The following SLC16A10 variants were observed in gnomAD, a reference collection of about 807,000 sequenced individuals.
SLC16A10 encodes the protein monocarboxylate transporter 10.
Under a neutral mutation model 40.0 loss-of-function variants are expected in SLC16A10, and 27 were observed. That is an observed-to-expected ratio of 0.67 (90% CI 0.50 to 0.93). SLC16A10 has a LOEUF of 0.93. Among genes scored for constraint, SLC16A10 ranks in the 40% least tolerant of loss-of-function variants. SLC16A10 has a pLI of 0.00. For missense variants in SLC16A10, 529 were observed against 658.2 expected, an observed-to-expected ratio of 0.80 and a Z score of 2.15; for synonymous variants, 213 against 249.8, an observed-to-expected ratio of 0.85 and a Z score of 1.39.
chr6:111,209,070 G>A (rs927585866), intron 4 of SLC16A10, among the ~76,000 whole-genome samples: 3 of 152,052 alleles, frequency 2.0e-5, no homozygotes, highest in African/African-American at 4.8e-5. Context: ...AGCCAGGCAC[G>A]GTGGCACATG....
In SLC16A10 at chr6:111,088,068, G is replaced by A. The variant is rs147581822; in HGVS notation, c.316G>A (p.Asp106Asn). ...CATGCTGGAAACCTTCGGCTCCAAA[G>A]ACGATGACAAGATGGTCTTTAAGAC... is the stretch of plus-strand genomic sequence containing the variant. ...VSMLETFGSK[D>N]DDKMVFKTAW... The change falls in exon 1 of 6, where the codon GAC (aspartate) becomes AAC (asparagine). Residue 106 changes from aspartate (D) to asparagine (N), a missense_variant. Asp to Asn is a conservative substitution (Grantham distance 23). Coordinates refer to ENST00000368851, the MANE Select transcript of SLC16A10 (RefSeq NM_018593.5). 230 of 1,607,878 alleles carry A rather than the reference G, an allele frequency of 1.4e-4. No homozygotes were observed. Among genetic ancestry groups the A allele is most frequent in the Middle Eastern group, 3.3e-4 (2 of 6,064 alleles).
chr6:111,158,330 G>A (rs564443430), intron 1 of SLC16A10, among the ~76,000 whole-genome samples: 10 of 151,996 alleles, frequency 6.6e-5, no homozygotes, highest in African/African-American at 1.9e-4. Context: ...CCTGTAGATC[G>A]TCAGTCCCCA....
chr6:111,207,641 A>G (rs72939580), intron 4 of SLC16A10, among the ~76,000 whole-genome samples: 2,883 of 152,328 alleles, frequency 0.019, 52 homozygotes, highest in Non-Finnish European at 0.031. Context: ...CACAGGCACC[A>G]TGCATCTGAG....
chr6:111,221,914 T>G, intron 5 of SLC16A10, 89 bp from the exon 6 acceptor site: 3 of 1,252,738 alleles, frequency 2.4e-6, no homozygotes, highest in Non-Finnish European at 3.3e-6. Flanking sequence ...GTCTGATGTC[T>G]GAGATGTCTG....
intron 4 of SLC16A10, among the ~76,000 whole-genome samples, chr6:111,215,730 C>T (rs559148055): frequency 1.9e-4 from 29 of 152,268 alleles, no homozygotes; most frequent in South Asian, 1.5e-3. Flanking sequence ...TAGAGTTGGA[C>T]GCAGTGGCTC....
chr6:111,125,889 AC>A (rs2114481230), intron 1 of SLC16A10, among the ~76,000 whole-genome samples: 1 of 152,270 alleles, frequency 6.6e-6, no homozygotes, highest in African/African-American at 2.4e-5. Flanking sequence ...TTTCTGGAAA[AC>A]CTAGGACACA....
chr6:111,088,222 G>A, intron 1 of SLC16A10, 127 bp downstream of exon 1: 2 of 922,278 alleles, frequency 2.2e-6, no homozygotes, highest in Non-Finnish European at 3.2e-6. Context: ...GAGGGTGCGA[G>A]CAGGGGGGTC....
At chr6:111,216,187 G>A (rs1487215440) in intron 4 of SLC16A10, among the ~76,000 whole-genome samples, 7 of 152,150 alleles carry the variant, frequency 4.6e-5, no homozygotes, top group Non-Finnish European at 1.5e-5. Context: ...GAACCTGGTA[G>A]TGTCCCTCTG....
In SLC16A10 at chr6:111,129,662, A is replaced by T. The variant is rs1481051885; in HGVS notation, c.343+41567A>T. Among the ~76,000 whole-genome samples the T allele has an allele frequency of 2.0e-5, 3 of 152,196 alleles. No individual in the cohort carries two copies. The East Asian group carries it at 5.8e-4, about 29-fold the overall frequency. ...GGCATTCAAAGGCCTCCAAGATATA[A>T]CTTGAGACACTCTTAGGATGGAATC... On this transcript the variant is annotated intron_variant, in intron 1 of 5. Transcript: ENST00000368851.
chr6:111,184,591 TC>T lies in SLC16A10; in HGVS notation c.942+6927del, dbSNP rs535592425. 4.6e-3 allele frequency among the ~76,000 whole-genome samples: 699 copies of T among 152,008 alleles called. 8 individuals are homozygous for T. Among genetic ancestry groups the T allele is most frequent in the Non-Finnish European group, 4.3e-3 (289 of 67,932 alleles). ...TCACCTCCTGGGTTCAAGCGATTCTTCTGCCTCAGCCTCCCGAGTAGCTGGG... is the reference window on the plus strand; with the variant it reads ...TCACCTCCTGGGTTCAAGCGATTCTTTGCCTCAGCCTCCCGAGTAGCTGGG... On this transcript the variant is annotated intron_variant, in intron 3 of 5. Transcript: ENST00000368851.
chr6:111,136,293 G>T (rs530034217), intron 1 of SLC16A10, among the ~76,000 whole-genome samples: 1 of 152,192 alleles, frequency 6.6e-6, no homozygotes, highest in South Asian at 2.1e-4. Context: ...ACACAGGTCC[G>T]AGGGACCAGC....
rs1183599278 is a variant in SLC16A10 at position 111,227,117 on chromosome 6, C to T, written c.*4882C>T. The T allele has an allele frequency of 6.6e-6, 1 of 152,200 alleles. No individual in the cohort carries two copies. Among genetic ancestry groups the T allele is most frequent in the East Asian group, 1.9e-4 (1 of 5,202 alleles). 9.4% of individuals were successfully genotyped at this position (152,200 alleles called of 1,614,324 possible). On this transcript the variant is annotated 3_prime_UTR_variant, in exon 6 of 6. Coordinates refer to ENST00000368851, the MANE Select transcript of SLC16A10 (RefSeq NM_018593.5). ...CTCCAGCCTGGGTGACAAAATGAGA[C>T]CTTGTCTACAAAAAGGAAAAAAAAA...
At chr6:111,119,726 G>A (rs1239792518) in intron 1 of SLC16A10, among the ~76,000 whole-genome samples, 1 of 152,180 alleles carries the variant, frequency 6.6e-6, no homozygotes, top group Non-Finnish European at 1.5e-5. Flanking sequence ...GGTTAAATGA[G>A]GTCACAAGGG....
chr6:111,222,266 G>C lies in SLC16A10; in HGVS notation c.*31G>C. 6.5e-7 allele frequency: 1 copy of C among 1,545,872 alleles called. No homozygotes were observed. The highest frequency in any genetic ancestry group is 8.6e-7 in the Non-Finnish European group (1 of 1,158,712). ...TACATACCTCCACCAGACTGGACTT[G>C]CTTTTTGAATTTTAAGCAAGTTTCC... On this transcript the variant is annotated 3_prime_UTR_variant, in exon 6 of 6. Transcript: ENST00000368851.
intron 4 of SLC16A10, among the ~76,000 whole-genome samples, chr6:111,215,482 G>GA (rs961872557): frequency 6.7e-6 from 1 of 148,276 alleles, no homozygotes; most frequent in Non-Finnish European, 1.5e-5. Flanking sequence ...CACATTAAAA[G>GA]AAAAAAATAT....
chr6:111,122,171 G>A (rs1771595952), intron 1 of SLC16A10, among the ~76,000 whole-genome samples: 1 of 152,162 alleles, frequency 6.6e-6, no homozygotes, highest in Admixed American at 6.5e-5. Flanking sequence ...GGGAGTGATG[G>A]TGGTCATTTT....
In SLC16A10 at chr6:111,227,959, G is replaced by A. The variant is rs2297939; in HGVS notation, c.*5724G>A. On this transcript the variant is annotated 3_prime_UTR_variant, in exon 6 of 6. Transcript: ENST00000368851. The stretch of plus-strand genomic sequence containing the variant: ...AAAGCAAGGGGGGTGCAAATTGTTA[G>A]TGGGGTCAAAATATCAGTAAAATTT... 48,052 of 152,036 alleles carry A rather than the reference G, an allele frequency of 0.32. 9,126 individuals are homozygous for A. The highest frequency in any genetic ancestry group is 0.45 in the South Asian group (2,143 of 4,806). The allele number at this position is 152,036 out of a possible 1,614,324, so 9.4% of individuals were successfully genotyped here.
At chr6:111,175,743 A>T (rs1420439965) in intron 2 of SLC16A10, among the ~76,000 whole-genome samples, 7 of 151,044 alleles carry the variant, frequency 4.6e-5, no homozygotes, top group Non-Finnish European at 1.5e-5. Context: ...ACTATTACTC[A>T]GGCCAGAATG....
At position 111,218,812 on chromosome 6, in the gene SLC16A10, A is replaced by G. The variant is rs1016773754; in HGVS notation, c.1087-2A>G. On this transcript the variant is annotated splice_acceptor_variant, in intron 4 of 5. Transcript: ENST00000368851. LOFTEE classifies it high-confidence loss of function. The stretch of plus-strand genomic sequence containing the variant: ...GAGCTGACCTTGTGGTGTCCGTCCT[A>G]GGTACTCTCCTTTTTCTTCATTGGT... 1 of 1,613,762 alleles carries G rather than the reference A, an allele frequency of 6.2e-7. No individual in the cohort carries two copies. Among genetic ancestry groups the G allele is most frequent in the Non-Finnish European group, 8.5e-7 (1 of 1,179,754 alleles).
Sources: gnomAD v4.1 joint callset for allele counts (sites outside exome capture counted in the v4.1 genomes callset) on GRCh38, gnomAD v4.1.1 for gene constraint, MANE v1.5 for transcripts, NCBI Gene and HGNC (gene_info 2026-07-23, HGNC 2026-07-21) for gene names.